Variants in BST1 observed in about 807,000 individuals in gnomAD.
BST1 encodes bone marrow stromal cell antigen 1.
BST1 carries 49 observed loss-of-function variants against 40.6 expected under a neutral mutation model. That is an observed-to-expected ratio of 1.21 (90% confidence interval 0.96 to 1.53). The LOEUF (loss-of-function observed/expected upper bound fraction) is 1.53, where lower values mean the gene tolerates loss of function less well. BST1 is among the 40% of genes most tolerant of loss of function. The pLI is 0.00. For missense variants in BST1, 423 were observed against 395.9 expected (o/e 1.07, Z -0.58); for synonymous variants, 157 against 159.3 (o/e 0.99, Z 0.11).
chr4:15,718,979 T>G lies in BST1; in HGVS notation c.777T>G (p.Cys259Trp). The G allele has an allele frequency of 1.2e-6, 2 of 1,613,784 alleles. No individual in the cohort carries two copies. Among genetic ancestry groups the G allele is most frequent in the Non-Finnish European group, 1.7e-6 (2 of 1,179,870 alleles). ...RLKDMGFQYS[C>W]INDYRPVKLL... ...AGGACATGGGGTTCCAGTACAGCTG[T>G]ATTAATGATTACCGGTAGGTGGCCT... The change falls in exon 7 of 9, where the codon TGT (cysteine) becomes TGG (tryptophan). Residue 259 changes from cysteine to tryptophan, a missense_variant. Transcript: ENST00000265016.
Position 15,703,249 on chromosome 4 carries a change from C to T in BST1, c.105C>T (p.Arg35=). The change falls in exon 1 of 9, where the codon CGC becomes CGT. Residue 35 remains arginine, a synonymous_variant. Transcript: ENST00000265016. ...CGGGCGGGGCGCGCGCGCGGTGGCG[C>T]GGGGAGGGCACCAGCGCACACTTGC... is the stretch of plus-strand genomic sequence containing the variant. The part of the protein sequence containing the change: ...LAAGGARARW[R]GEGTSAHLRD... The T allele has an allele frequency of 6.5e-7, 1 of 1,542,054 alleles. No homozygotes were observed. Among genetic ancestry groups the T allele is most frequent in the Non-Finnish European group, 8.7e-7 (1 of 1,146,804 alleles).
At chr4:15,722,591 G>GTT (rs1267760051) in intron 7 of BST1, among the ~76,000 whole-genome samples, 1 of 142,288 alleles carries the variant, frequency 7.0e-6, no homozygotes. Context: ...ATAATTTTTA[G>GTT]ATTTTTTTTT....
the BST1 span, among the ~76,000 whole-genome samples, chr4:15,753,039 T>TTAAATATAAATCACTAAGAAATA: frequency 6.6e-6 from 1 of 151,478 alleles, no homozygotes; most frequent in South Asian, 2.1e-4. Flanking sequence ...TAAGAAATAT[T>TTAAATATAAATCACTAAGAAATA]TAAATATAAA....
At chr4:15,764,142 A>G in the BST1 span, among the ~76,000 whole-genome samples, 1 of 152,030 alleles carries the variant, frequency 6.6e-6, no homozygotes, top group Non-Finnish European at 1.5e-5. Context: ...GAGACTGTGC[A>G]TGTGTAGGGA....
chr4:15,707,930 C>A (rs1241655132), intron 3 of BST1, among the ~76,000 whole-genome samples: 1 of 150,336 alleles, frequency 6.7e-6, no homozygotes, highest in Non-Finnish European at 1.5e-5. Context: ...TCTATATATA[C>A]ACACATACTC....
At chr4:15,743,641 G>C in the BST1 span, 1 of 297,578 alleles carries the variant, frequency 3.4e-6, no homozygotes, top group Admixed American at 4.3e-5. Flanking sequence ...CAAGGGCAGA[G>C]TGGTCTGTGC....
chr4:15,772,971 G>A, the BST1 span, among the ~76,000 whole-genome samples: 1 of 152,198 alleles, frequency 6.6e-6, no homozygotes, highest in Non-Finnish European at 1.5e-5. Context: ...GAGCAAGAGG[G>A]GAGGGAGTCA....
the BST1 span, among the ~76,000 whole-genome samples, chr4:15,752,419 G>T: frequency 6.6e-6 from 1 of 150,672 alleles, no homozygotes; most frequent in Non-Finnish European, 1.5e-5. Context: ...ACAGAGTTTC[G>T]CTCTTATTGC....
At chr4:15,763,589 T>C in the BST1 span, among the ~76,000 whole-genome samples, 1 of 151,998 alleles carries the variant, frequency 6.6e-6, no homozygotes, top group Non-Finnish European at 1.5e-5. Context: ...TTACTAATTA[T>C]TTAGTAAAAT....
chr4:15,721,559 GA>G (rs1228196956), intron 7 of BST1, among the ~76,000 whole-genome samples: 1 of 150,876 alleles, frequency 6.6e-6, no homozygotes, highest in Non-Finnish European at 1.5e-5. Flanking sequence ...CCCAAGGACA[GA>G]AAACCAAACA....
the BST1 span, chr4:15,743,620 C>A: frequency 3.4e-6 from 1 of 297,796 alleles, no homozygotes; most frequent in South Asian, 3.4e-5. Flanking sequence ...TCCTGCCCCT[C>A]CTATTTCTGG....
Position 15,722,920 on chromosome 4 carries a change from C to T in BST1, c.837C>T (p.Asp279=). 2 of 1,613,816 alleles carry T rather than the reference C, an allele frequency of 1.2e-6. No homozygotes were observed. The highest frequency in any genetic ancestry group is 2.2e-5 in the South Asian group (2 of 91,046). ...GCGTGGACCACAGCACCCATCCTGACTGTGCCTTAAAGTCGTAAGTAAATG... is the reference window on the plus strand; with the variant it reads ...GCGTGGACCACAGCACCCATCCTGATTGTGCCTTAAAGTCGTAAGTAAATG... ...LQCVDHSTHP[D]CALKSAAAAT... Residue 279 remains aspartate (D), a synonymous_variant, in exon 8 of 9, where the codon GAC becomes GAT. Transcript: ENST00000265016.
At chr4:15,717,158 A>G (rs1442450893) in intron 6 of BST1, among the ~76,000 whole-genome samples, 1 of 152,222 alleles carries the variant, frequency 6.6e-6, no homozygotes, top group African/African-American at 2.4e-5. Context: ...GCTTACTAAA[A>G]AGAAATTCTA....
At chr4:15,705,772 A>C in intron 2 of BST1, 131 bp downstream of exon 2, 4 of 1,191,108 alleles carry the variant, frequency 3.4e-6, no homozygotes, top group Non-Finnish European at 4.8e-6. Flanking sequence ...AGCACACATA[A>C]TGTGTGTGCT....
intron 7 of BST1, among the ~76,000 whole-genome samples, chr4:15,720,835 A>G (rs1378528951): frequency 6.6e-6 from 1 of 152,130 alleles, no homozygotes; most frequent in Non-Finnish European, 1.5e-5. Flanking sequence ...CCTCAAAAAC[A>G]AACAAACAAA....
intron 2 of BST1, 78 bp downstream of exon 2, chr4:15,705,719 T>C: frequency 6.5e-7 from 1 of 1,539,610 alleles, no homozygotes; most frequent in Non-Finnish European, 9.0e-7. Flanking sequence ...CAGGTTGACA[T>C]TAGCTGTCCC....
At chr4:15,707,725 T>C in intron 3 of BST1, 79 bp downstream of exon 3, 2 of 1,522,908 alleles carry the variant, frequency 1.3e-6, no homozygotes, top group Non-Finnish European at 1.8e-6. Flanking sequence ...AATGCTTTCA[T>C]ATGCATTTAT....
downstream of BST1, among the ~76,000 whole-genome samples, chr4:15,742,550 G>A (rs1302851392): frequency 6.6e-6 from 1 of 152,206 alleles, no homozygotes; most frequent in East Asian, 1.9e-4. Context: ...AAACTGCTCA[G>A]GCTCAGGTAT....
chr4:15,755,253 C>A, the BST1 span, among the ~76,000 whole-genome samples: 129 of 152,278 alleles, frequency 8.5e-4, no homozygotes, highest in African/African-American at 3.0e-3. Flanking sequence ...ATTCTCCTGC[C>A]TCGGCCTCTT....
Sources: allele counts gnomAD v4.1 joint callset (sites outside exome capture counted in the v4.1 genomes callset), GRCh38; gene constraint gnomAD v4.1.1; transcripts MANE v1.5; gene names NCBI Gene and HGNC (gene_info 2026-07-23, HGNC 2026-07-21).